RNF144A: variants seen among roughly 807,000 people sequenced by gnomAD.
RNF144A encodes the protein E3 ubiquitin-protein ligase RNF144A.
A neutral mutation model predicts 38.7 loss-of-function variants in RNF144A; 11 were observed. The ratio of observed to expected loss-of-function variants is 0.28; its 90% CI spans 0.18 to 0.47. The LOEUF (loss-of-function observed/expected upper bound fraction) is 0.47, where lower values mean the gene tolerates loss of function less well. RNF144A is among the 20% of genes least tolerant of loss of function. The pLI, the probability that RNF144A is intolerant of heterozygous loss-of-function variation, is 0.99. For missense variants in RNF144A, 316 were observed against 377.2 expected, an observed-to-expected ratio of 0.84 and a Z score of 1.34; for synonymous variants, 149 against 143.9, an observed-to-expected ratio of 1.04 and a Z score of -0.25.
chr2:7,027,230 C>T (rs139689965), intron 7 of RNF144A, among the ~76,000 whole-genome samples: 13 of 152,336 alleles, frequency 8.5e-5, no homozygotes, highest in Non-Finnish European at 1.8e-4. Flanking sequence ...CTCATCTGCA[C>T]CTGGCCAAGC....
chr2:6,963,715 C>A (rs1667481934), intron 2 of RNF144A, among the ~76,000 whole-genome samples: 1 of 152,152 alleles, frequency 6.6e-6, no homozygotes, highest in African/African-American at 2.4e-5. Context: ...TAGTTAATTA[C>A]ATATCTAGAG....
intron 4 of RNF144A, 40 bp downstream of exon 4, chr2:7,014,598 A>G: frequency 6.6e-7 from 1 of 1,516,060 alleles, no homozygotes; most frequent in Non-Finnish European, 9.1e-7. Context: ...TGATGTGCAC[A>G]GGCGTGCACT....
chr2:7,020,747 T>A (rs1171377715), intron 6 of RNF144A, 67 bp downstream of exon 6: 10 of 1,440,932 alleles, frequency 6.9e-6, no homozygotes, highest in Non-Finnish European at 9.6e-6. Context: ...GCATGCTTTC[T>A]TCCTAAAAGT....
chr2:6,982,156 A>G lies in RNF144A; in HGVS notation c.-11-14760A>G, dbSNP rs566774123. Among the ~76,000 whole-genome samples, 21 of 152,332 alleles carry G rather than the reference A, an allele frequency of 1.4e-4. No homozygotes were observed. The East Asian group carries it at 2.9e-3, about 21-fold the overall frequency. On this transcript the variant is annotated intron_variant, in intron 2 of 8. Transcript: ENST00000320892. The stretch of plus-strand genomic sequence containing the variant: ...TGAACTGGGGATTACAATTCCAGAT[A>G]AGATTTGGGTGGGGACACAGAGCCA...
At chr2:6,973,924 G>T (rs1429391246) in intron 2 of RNF144A, among the ~76,000 whole-genome samples, 1 of 152,150 alleles carries the variant, frequency 6.6e-6, no homozygotes, top group African/African-American at 2.4e-5. Context: ...TTTCCATCTT[G>T]CTCTTAGCAG....
intron 3 of RNF144A, among the ~76,000 whole-genome samples, chr2:7,009,010 C>G (rs1670627160): frequency 6.6e-6 from 1 of 152,258 alleles, no homozygotes; most frequent in Admixed American, 6.5e-5. Flanking sequence ...TGAGCATCTA[C>G]AGTCACCAGC....
chr2:6,995,902 A>G (rs1669704539), intron 2 of RNF144A, among the ~76,000 whole-genome samples: 1 of 152,128 alleles, frequency 6.6e-6, no homozygotes, highest in Non-Finnish European at 1.5e-5. Flanking sequence ...TTTCCTGAGC[A>G]CTTGCTGTGT....
chr2:7,054,230 C>T (rs772636900), intron 6 of RNF144A, among the ~76,000 whole-genome samples: 12 of 152,184 alleles, frequency 7.9e-5, no homozygotes, highest in African/African-American at 2.4e-4. Context: ...GAGAGACAGC[C>T]GCTGAATAAA....
At chr2:7,006,548 T>C (rs183074540) in intron 3 of RNF144A, among the ~76,000 whole-genome samples, 1 of 150,532 alleles carries the variant, frequency 6.6e-6, no homozygotes, top group Non-Finnish European at 1.5e-5. Flanking sequence ...CAGAGGAGAG[T>C]TGTGGCCCCG....
Position 6,988,698 on chromosome 2 carries a change from C to A in RNF144A, c.-11-8218C>A, listed in dbSNP as rs963903242. Among the ~76,000 whole-genome samples the A allele has an allele frequency of 4.6e-5, 7 of 152,118 alleles. No homozygotes were observed. In the South Asian group the frequency reaches 1.4e-3, roughly 31 times the overall value. On this transcript the variant is annotated intron_variant, in intron 2 of 8. Coordinates refer to ENST00000320892, the MANE Select transcript of RNF144A (RefSeq NM_014746.6). ...TTGTCCTTTTCACGTGTGTGAGCTC[C>A]TTTTTCCACCATTTTCTAAACTACA...
rs551253720 is a variant in RNF144A, at chr2:6,943,797, A to G, written c.-12+2650A>G. ...TCTTTGTGAAATGGGAGTCAAAGCC[A>G]GCATCTGAGCATGCTACATGGAGAG... On this transcript the variant is annotated intron_variant, in intron 2 of 8. Coordinates refer to ENST00000320892, the MANE Select transcript of RNF144A (RefSeq NM_014746.6). The surrounding 1 kb of genome is among the most constrained non-coding windows in gnomAD (Gnocchi z 4.3). 1.1e-4 allele frequency among the ~76,000 whole-genome samples: 16 copies of G among 152,190 alleles called. No homozygotes were observed. The highest frequency in any genetic ancestry group is 2.2e-4 in the Non-Finnish European group (15 of 68,020).
At chr2:6,932,410 A>T (rs1572207808) in intron 1 of RNF144A, among the ~76,000 whole-genome samples, 1 of 152,194 alleles carries the variant, frequency 6.6e-6, no homozygotes, top group Admixed American at 6.5e-5. Flanking sequence ...ACCATTCACA[A>T]TTACACACAC....
chr2:7,049,196 G>A (rs926600380), intron 6 of RNF144A, among the ~76,000 whole-genome samples: 2 of 152,158 alleles, frequency 1.3e-5, no homozygotes, highest in East Asian at 3.9e-4. Context: ...GGATGGGCTG[G>A]CCTTCCAGGC....
At chr2:7,072,435 A>G (rs1047302545), downstream of RNF144A, among the ~76,000 whole-genome samples, 1 of 152,230 alleles carries the variant, frequency 6.6e-6, no homozygotes, top group African/African-American at 2.4e-5. Flanking sequence ...AGAACTGTTA[A>G]GCAAAGAGAA....
chr2:6,985,595 GAAT>G lies in RNF144A; in HGVS notation c.-11-11319_-11-11317del, dbSNP rs1307251894. On this transcript the variant is annotated intron_variant, in intron 2 of 8. Coordinates refer to ENST00000320892, the MANE Select transcript of RNF144A (RefSeq NM_014746.6). ...GAAGGTTCAGATGGTTTAATAGACG[GAAT>G]ACAACTCGAGCCACACGTGTAGCAT... Among the ~76,000 whole-genome samples the G allele has an allele frequency of 3.3e-5, 5 of 152,158 alleles. No individual in the cohort carries two copies. The East Asian group carries it at 9.6e-4, about 29-fold the overall frequency.
intron 2 of RNF144A, among the ~76,000 whole-genome samples, chr2:6,987,799 A>G (rs1462389617): frequency 6.6e-6 from 1 of 152,058 alleles, no homozygotes; most frequent in Non-Finnish European, 1.5e-5. Flanking sequence ...TCTTCTCTGT[A>G]CTCCTGCAAA....
intron 2 of RNF144A, among the ~76,000 whole-genome samples, chr2:6,991,475 T>G (rs1184149487): frequency 1.3e-5 from 2 of 152,198 alleles, no homozygotes; most frequent in African/African-American, 4.8e-5. Context: ...TTGGTTTGTC[T>G]TATATCTCTA....
chr2:6,941,181 A>G lies in RNF144A; in HGVS notation c.-12+34A>G, dbSNP rs928450542. 10 of 152,226 alleles carry G rather than the reference A, an allele frequency of 6.6e-5. No homozygotes were observed. Among genetic ancestry groups the G allele is most frequent in the African/African-American group, 2.2e-4 (9 of 41,450 alleles). The allele number at this position is 152,226 out of a possible 1,614,324, so 9.4% of individuals were successfully genotyped here. ...GAATTCGGAAAATGAAGGCTTCCCA[A>G]CGTTCATTGATCTCTTCTTAGTGGA... On this transcript the variant is annotated intron_variant, in intron 2 of 8. Coordinates refer to ENST00000320892, the MANE Select transcript of RNF144A (RefSeq NM_014746.6). The surrounding 1 kb of genome is among the most constrained non-coding windows in gnomAD (Gnocchi z 6.5).
chr2:6,981,481 A>G (rs1056358192), intron 2 of RNF144A, among the ~76,000 whole-genome samples: 1 of 152,060 alleles, frequency 6.6e-6, no homozygotes, highest in Non-Finnish European at 1.5e-5. Flanking sequence ...ATCTCTCTCA[A>G]TTTCAAAGTT....
Sources: gnomAD v4.1 joint callset for allele counts (sites outside exome capture counted in the v4.1 genomes callset) on GRCh38, gnomAD v4.1.1 for gene constraint, Gnocchi (gnomAD v3.1) non-coding constraint, MANE v1.5 for transcripts, NCBI Gene and HGNC (gene_info 2026-07-23, HGNC 2026-07-21) for gene names.